The following GRIA4 variants were observed in gnomAD, a reference collection of about 807,000 sequenced individuals.
The protein encoded by GRIA4 is glutamate receptor 4.
In GRIA4, 34 loss-of-function variants were observed where a neutral mutation model predicts 104.0. The observed-to-expected ratio is 0.33, with a 90% confidence interval of 0.25 to 0.44. The LOEUF is 0.44. Ranked by LOEUF, GRIA4 falls within the 20% of genes least tolerant of loss-of-function variation. The pLI is 1.00. For missense variants in GRIA4, 750 were observed against 1,096.5 expected (o/e 0.68, Z 4.46); for synonymous variants, 386 against 381.9 (o/e 1.01, Z -0.13).
chr11:105,799,718 T>A (rs955957484), intron 4 of GRIA4, among the ~76,000 whole-genome samples: 2 of 152,066 alleles, frequency 1.3e-5, no homozygotes, highest in Non-Finnish European at 2.9e-5. Flanking sequence ...AATTTTTAGA[T>A]GAAGCATGAT....
intron 6 of GRIA4, among the ~76,000 whole-genome samples, chr11:105,888,322 C>T (rs571861979): frequency 5.7e-5 from 6 of 105,796 alleles, no homozygotes; most frequent in Admixed American, 1.6e-4. Flanking sequence ...CTCACTCTGT[C>T]GCCCAGGCTG....
rs552736476 is a variant in GRIA4 at position 105,736,696 on chromosome 11, T to A, written c.248-16285T>A. Among the ~76,000 whole-genome samples, 22 of 152,218 alleles carry A rather than the reference T, an allele frequency of 1.4e-4. No individual in the cohort carries two copies. The South Asian group carries it at 4.6e-3, about 32-fold the overall frequency. Reference sequence around the variant, plus strand: ...TAGCTACAAAATAGATATAAATACATTTAAATTTTTTTTCAAAAGGCTATA... The same window carrying A: ...TAGCTACAAAATAGATATAAATACAATTAAATTTTTTTTCAAAAGGCTATA... On this transcript the variant is annotated intron_variant, in intron 3 of 16. Coordinates refer to ENST00000282499, the MANE Select transcript of GRIA4 (RefSeq NM_000829.4).
chr11:105,762,969 A>G (rs1434454314), intron 4 of GRIA4, among the ~76,000 whole-genome samples: 2 of 152,212 alleles, frequency 1.3e-5, no homozygotes, highest in African/African-American at 4.8e-5. Flanking sequence ...GATTTCAGAA[A>G]TCAATGACGG....
At chr11:105,973,303 C>T (rs768432393) in intron 15 of GRIA4, among the ~76,000 whole-genome samples, 5 of 152,062 alleles carry the variant, frequency 3.3e-5, no homozygotes, top group Non-Finnish European at 7.4e-5. Context: ...ACAGGGCATC[C>T]TTCAGGTAGT....
chr11:105,938,287 T>A (rs1303768610), intron 14 of GRIA4, among the ~76,000 whole-genome samples: 1 of 152,230 alleles, frequency 6.6e-6, no homozygotes, highest in Non-Finnish European at 1.5e-5. Flanking sequence ...TGTGAAGTAC[T>A]TAGACGGTTT....
intron 5 of GRIA4, among the ~76,000 whole-genome samples, chr11:105,880,045 TA>T (rs1420195248): frequency 6.6e-6 from 1 of 152,206 alleles, no homozygotes; most frequent in Non-Finnish European, 1.5e-5. Context: ...CCCCTTCTAA[TA>T]ATTCTACATC....
chr11:105,862,325 G>A (rs982757914), intron 5 of GRIA4, 117 bp downstream of exon 5: 3 of 637,160 alleles, frequency 4.7e-6, no homozygotes, highest in Non-Finnish European at 8.3e-6. Context: ...TGAGGTTTGA[G>A]AGTTTTCATT....
At chr11:105,662,253 T>C (rs1952035244) in intron 3 of GRIA4, among the ~76,000 whole-genome samples, 1 of 151,884 alleles carries the variant, frequency 6.6e-6, no homozygotes, top group Non-Finnish European at 1.5e-5. Context: ...GTGAGAAAAC[T>C]GAGTTTGATC....
chr11:105,769,401 AG>A (rs1941107828), intron 4 of GRIA4, among the ~76,000 whole-genome samples: 1 of 152,040 alleles, frequency 6.6e-6, no homozygotes, highest in Admixed American at 6.6e-5. Flanking sequence ...TGGAGGAAAA[AG>A]GGTGTTTCAT....
intron 3 of GRIA4, chr11:105,614,468 A>C (rs1417220554): frequency 6.6e-6 from 1 of 151,940 alleles, no homozygotes; most frequent in Non-Finnish European, 1.5e-5. Context: ...AGCAAGTTGC[A>C]TACAGAATTA....
intron 5 of GRIA4, among the ~76,000 whole-genome samples, chr11:105,880,158 C>G (rs1945995784): frequency 6.6e-6 from 1 of 152,164 alleles, no homozygotes; most frequent in African/African-American, 2.4e-5. Context: ...GCTTCAAACT[C>G]ATAATCACAA....
chr11:105,946,207 G>T (rs1449034303), intron 14 of GRIA4, among the ~76,000 whole-genome samples: 1 of 152,118 alleles, frequency 6.6e-6, no homozygotes. Context: ...GTTGTCCATA[G>T]AAATCATTAG....
At chr11:105,770,108 AT>A (rs1941143140) in intron 4 of GRIA4, among the ~76,000 whole-genome samples, 1 of 152,100 alleles carries the variant, frequency 6.6e-6, no homozygotes, top group African/African-American at 2.4e-5. Context: ...TACATAGAAT[AT>A]GGATGATTTA....
At chr11:105,722,744 A>G (rs770896229) in intron 3 of GRIA4, among the ~76,000 whole-genome samples, 3 of 152,116 alleles carry the variant, frequency 2.0e-5, no homozygotes, top group African/African-American at 7.2e-5. Flanking sequence ...ATAATGGTAT[A>G]TGTATTTTAT....
intron 14 of GRIA4, among the ~76,000 whole-genome samples, chr11:105,970,322 C>T (rs1223567678): frequency 1.3e-5 from 2 of 150,214 alleles, no homozygotes; most frequent in Non-Finnish European, 3.0e-5. Context: ...CAAAACTAAC[C>T]ATACAAAAAA....
intron 4 of GRIA4, among the ~76,000 whole-genome samples, chr11:105,754,217 C>T (rs751921500): frequency 1.3e-5 from 2 of 152,024 alleles, no homozygotes; most frequent in Non-Finnish European, 2.9e-5. Context: ...CCTAGAAATT[C>T]CAGGGGGTTT....
chr11:105,612,201 T>A (rs1591436961), intron 2 of GRIA4, 75 bp from the exon 3 acceptor site: 11 of 1,369,374 alleles, frequency 8.0e-6, no homozygotes, highest in South Asian at 6.2e-5. Flanking sequence ...TGGCAGTAGA[T>A]TTGACTGTGC....
rs1393618485 is a variant in GRIA4 at position 105,905,290 on chromosome 11, G to C, written c.1147G>C (p.Gly383Arg). 3 of 1,569,020 alleles carry C rather than the reference G, an allele frequency of 1.9e-6. No individual in the cohort carries two copies. The highest frequency in any genetic ancestry group is 2.6e-6 in the Non-Finnish European group (3 of 1,139,214). Residue 383 changes from glycine to arginine, a missense_variant, in exon 9 of 17, where the codon GGA (glycine) becomes CGA (arginine). Coordinates refer to ENST00000282499, the MANE Select transcript of GRIA4 (RefSeq NM_000829.4). ...GGATGTGTTTGAGCTGAAAAGCACA[G>C]GACCTAGAAAGGTGAGCCACGATCA... ...TMDVFELKST[G>R]PRKVGYWNDM...
intron 3 of GRIA4, among the ~76,000 whole-genome samples, chr11:105,746,005 T>C (rs1254297106): frequency 2.0e-5 from 3 of 152,144 alleles, no homozygotes; most frequent in African/African-American, 7.2e-5. Context: ...CCAATATTAG[T>C]AGAGATTTTT....
Sources: allele counts gnomAD v4.1 joint callset (sites outside exome capture counted in the v4.1 genomes callset), GRCh38; gene constraint gnomAD v4.1.1; transcripts MANE v1.5; gene names NCBI Gene and HGNC (gene_info 2026-07-23, HGNC 2026-07-21).